The following CMTM8 variants were observed in gnomAD, a reference collection of about 807,000 sequenced individuals.
The protein encoded by CMTM8 is CKLF-like MARVEL transmembrane domain-containing protein 8.
CMTM8 carries 12 observed loss-of-function variants against 18.6 expected under a neutral mutation model. The observed-to-expected ratio is 0.65, with a 90% CI of 0.41 to 1.05. The LOEUF is 1.05. Among genes scored for constraint, CMTM8 ranks in the 50% least tolerant of loss-of-function variants. The pLI is 0.00. For synonymous variants in CMTM8, 87 were observed against 90.6 expected, an observed-to-expected ratio of 0.96 and a Z score of 0.23; for missense variants, 217 against 227.2, an observed-to-expected ratio of 0.95 and a Z score of 0.29.
chr3:32,293,095 A>T (rs189452097), intron 1 of CMTM8, among the ~76,000 whole-genome samples: 2,921 of 151,194 alleles, frequency 0.019, 43 homozygotes, highest in Middle Eastern at 0.052. Flanking sequence ...ATATATATAT[A>T]TATTTAACTT....
intron 1 of CMTM8, among the ~76,000 whole-genome samples, chr3:32,277,299 G>A (rs1467326421): frequency 6.6e-6 from 1 of 152,188 alleles, no homozygotes; most frequent in African/African-American, 2.4e-5. Flanking sequence ...TGAGGCTGTG[G>A]GCAAGTAAGG....
At chr3:32,249,802 T>C (rs755184792) in intron 1 of CMTM8, among the ~76,000 whole-genome samples, 1 of 152,248 alleles carries the variant, frequency 6.6e-6, no homozygotes, top group African/African-American at 2.4e-5. Context: ...ATATATGATT[T>C]GAAAGTATTT....
intron 1 of CMTM8, among the ~76,000 whole-genome samples, chr3:32,267,132 C>T (rs1049235116): frequency 4.6e-4 from 70 of 152,152 alleles, no homozygotes; most frequent in African/African-American, 1.5e-3. Context: ...AAAAGGAGCC[C>T]GCATCGCCAA....
At chr3:32,340,264 T>A (rs1278862934) in intron 1 of CMTM8, among the ~76,000 whole-genome samples, 1 of 152,196 alleles carries the variant, frequency 6.6e-6, no homozygotes. Flanking sequence ...TTAGTCTTCA[T>A]AAGCAGTGTT....
intron 2 of CMTM8, among the ~76,000 whole-genome samples, chr3:32,359,209 C>T (rs989015572): frequency 8.5e-5 from 13 of 152,196 alleles, no homozygotes; most frequent in African/African-American, 2.7e-4. Context: ...GGCCACACGC[C>T]TACGGCCCAG....
At chr3:32,350,134 AAAGGGT>A in intron 1 of CMTM8, among the ~76,000 whole-genome samples, 1 of 152,320 alleles carries the variant, frequency 6.6e-6, no homozygotes, top group South Asian at 2.1e-4. Flanking sequence ...GCAGTAGAGC[AAAGGGT>A]AAGGACTTAG....
intron 1 of CMTM8, among the ~76,000 whole-genome samples, chr3:32,312,306 T>C (rs1459751954): frequency 6.6e-6 from 1 of 152,146 alleles, no homozygotes; most frequent in East Asian, 1.9e-4. Context: ...AAAAAGTTTC[T>C]TTTCTTTCTC....
At chr3:32,239,934 G>A (rs559826462) in intron 1 of CMTM8, among the ~76,000 whole-genome samples, 25 of 152,348 alleles carry the variant, frequency 1.6e-4, no homozygotes, top group African/African-American at 6.0e-4. Flanking sequence ...CTAGAGAGGG[G>A]ACGTAAATCA....
At chr3:32,317,478 G>T (rs1384387541) in intron 1 of CMTM8, among the ~76,000 whole-genome samples, 12 of 152,116 alleles carry the variant, frequency 7.9e-5, no homozygotes, top group Non-Finnish European at 1.6e-4. Context: ...TTTTATATTT[G>T]AATTCACACA....
intron 1 of CMTM8, among the ~76,000 whole-genome samples, chr3:32,288,662 A>G (rs988791342): frequency 6.6e-6 from 1 of 152,058 alleles, no homozygotes; most frequent in Non-Finnish European, 1.5e-5. Context: ...CACCACGCCC[A>G]GCTAATTTTT....
intron 1 of CMTM8, among the ~76,000 whole-genome samples, chr3:32,250,531 A>C (rs1354348674): frequency 6.6e-6 from 1 of 152,128 alleles, no homozygotes; most frequent in African/African-American, 2.4e-5. Flanking sequence ...GGATGTCTTT[A>C]TATTTATTTA....
chr3:32,278,289 C>T (rs1324426819), intron 1 of CMTM8, among the ~76,000 whole-genome samples: 1 of 152,178 alleles, frequency 6.6e-6, no homozygotes, highest in African/African-American at 2.4e-5. Flanking sequence ...TCTACGTGGC[C>T]ATGTGAATAG....
chr3:32,245,896 A>G (rs1348298939), intron 1 of CMTM8, among the ~76,000 whole-genome samples: 5 of 152,054 alleles, frequency 3.3e-5, no homozygotes, highest in Non-Finnish European at 7.4e-5. Flanking sequence ...GCTCACTGCA[A>G]CCTCTGACTC....
At chr3:32,309,815 T>A (rs1240307972) in intron 1 of CMTM8, among the ~76,000 whole-genome samples, 2 of 152,186 alleles carry the variant, frequency 1.3e-5, no homozygotes, top group East Asian at 3.9e-4. Flanking sequence ...GGTTTATGAT[T>A]TCCTAAGTCA....
chr3:32,345,755 G>A (rs1032858507), intron 1 of CMTM8, among the ~76,000 whole-genome samples: 7 of 152,160 alleles, frequency 4.6e-5, no homozygotes, highest in Non-Finnish European at 8.8e-5. Flanking sequence ...TCTGGAAGAC[G>A]GTTCTGGAGA....
At chr3:32,301,368 C>CCG (rs144839110) in intron 1 of CMTM8, among the ~76,000 whole-genome samples, 63,503 of 151,486 alleles carry the variant, frequency 0.42, 13,728 homozygotes, top group Admixed American at 0.57. Context: ...ACTTTGACAG[C>CCG]TGTATATATA....
intron 1 of CMTM8, among the ~76,000 whole-genome samples, chr3:32,260,686 T>G (rs1464437239): frequency 6.8e-6 from 1 of 146,304 alleles, no homozygotes; most frequent in Non-Finnish European, 1.5e-5. Flanking sequence ...TTTTTCCCCC[T>G]GTTTTCACAT....
intron 1 of CMTM8, among the ~76,000 whole-genome samples, chr3:32,258,519 T>G (rs2125535720): frequency 6.6e-6 from 1 of 152,332 alleles, no homozygotes; most frequent in Middle Eastern, 3.4e-3. Context: ...TTGTTTTGTT[T>G]TGTTTTGTTT....
At chr3:32,342,637 T>G (rs188088571) in intron 1 of CMTM8, among the ~76,000 whole-genome samples, 1 of 152,156 alleles carries the variant, frequency 6.6e-6, no homozygotes, top group Non-Finnish European at 1.5e-5. Context: ...TTATTACTCA[T>G]GAGAGAGCTC....
Sources: allele counts gnomAD v4.1 joint callset (sites outside exome capture counted in the v4.1 genomes callset), GRCh38; gene constraint gnomAD v4.1.1; transcripts MANE v1.5; gene names NCBI Gene and HGNC (gene_info 2026-07-23, HGNC 2026-07-21).